ANK1: variants seen among roughly 807,000 people sequenced by gnomAD.
The protein encoded by ANK1 is ankyrin 1, also known as ankyrin-1.
In ANK1, 51 loss-of-function variants were observed where a neutral mutation model predicts 210.4. The observed-to-expected ratio is 0.24, with a 90% CI of 0.19 to 0.31. The LOEUF is 0.31. Ranked by LOEUF, ANK1 falls within the 10% of genes least tolerant of loss-of-function variation. The probability of loss-of-function intolerance (pLI) is 1.00; values close to 1 mark genes in which losing one functional copy is unlikely to be tolerated. For missense variants in ANK1, 2,051 were observed against 2,504.4 expected (o/e 0.82, Z 3.86); for synonymous variants, 967 against 1,025.9 (o/e 0.94, Z 1.10).
intron 1 of ANK1, among the ~76,000 whole-genome samples, chr8:41,868,770 G>A (rs1203084498): frequency 6.6e-6 from 1 of 152,130 alleles, no homozygotes; most frequent in African/African-American, 2.4e-5. Context: ...TTTTAAAAGA[G>A]CTTAGAAATT....
At chr8:41,851,047 C>G (rs1265628392) in intron 1 of ANK1, among the ~76,000 whole-genome samples, 3 of 152,184 alleles carry the variant, frequency 2.0e-5, no homozygotes, top group Non-Finnish European at 4.4e-5. Context: ...GAAATCTTAC[C>G]TGTGTCTTTT....
At chr8:41,696,180 G>C (rs377040546) in intron 26 of ANK1, among the ~76,000 whole-genome samples, 183 bp downstream of exon 26, 1 of 152,166 alleles carries the variant, frequency 6.6e-6, no homozygotes, top group Non-Finnish European at 1.5e-5. Context: ...GTGAGCTATC[G>C]TGCCCGACCT....
At chr8:41,781,860 G>T (rs947757040) in intron 1 of ANK1, among the ~76,000 whole-genome samples, 3 of 152,078 alleles carry the variant, frequency 2.0e-5, no homozygotes, top group Non-Finnish European at 4.4e-5. Flanking sequence ...CCCAGGGGCT[G>T]GTACTAGGAG....
At chr8:41,834,280 AC>A (rs957445044) in intron 1 of ANK1, among the ~76,000 whole-genome samples, 9 of 152,136 alleles carry the variant, frequency 5.9e-5, no homozygotes, top group African/African-American at 2.2e-4. Context: ...GATTGAGAAA[AC>A]CTGGAGGCAA....
At chr8:41,892,792 T>G (rs1251262248) in intron 1 of ANK1, among the ~76,000 whole-genome samples, 1 of 152,200 alleles carries the variant, frequency 6.6e-6, no homozygotes, top group African/African-American at 2.4e-5. Flanking sequence ...ATTATATTAA[T>G]TCACTCATTC....
At chr8:41,758,652 AT>A (rs1387306628) in intron 1 of ANK1, among the ~76,000 whole-genome samples, 1 of 150,058 alleles carries the variant, frequency 6.7e-6, no homozygotes, top group Non-Finnish European at 1.5e-5. Flanking sequence ...CCCTTTTGGT[AT>A]TTTTATAAGC....
In ANK1 at chr8:41,814,697, A is replaced by T. The variant is rs533512993; in HGVS notation, c.127-56560T>A. 7.3e-5 allele frequency among the ~76,000 whole-genome samples: 11 copies of T among 149,874 alleles called. No homozygotes were observed. The South Asian group carries it at 1.7e-3, about 23-fold the overall frequency. ...CCTGACAAGCTATTTATTTATTTTT[A>T]TTTTTTTATTTTTTATTTTTAGATT... On this transcript the variant is annotated intron_variant, in intron 1 of 42. Transcript: ENST00000265709.
chr8:41,753,362 G>A (rs111833702), intron 2 of ANK1, among the ~76,000 whole-genome samples: 3,273 of 151,996 alleles, frequency 0.022, 112 homozygotes, highest in African/African-American at 0.074. Context: ...TATCGCGCCC[G>A]GCCTGCTGCA....
In ANK1 at chr8:41,705,198, G is replaced by A. The variant is rs142991120; in HGVS notation, c.2098-726C>T. On this transcript the variant is annotated intron_variant, in intron 18 of 42. Coordinates refer to ENST00000289734, the MANE Select transcript of ANK1 (RefSeq NM_000037.4). ...AGGCCAAGGCCCTCTGAGCTCCTTG[G>A]TCCCAAGTGTCCCGGGAAGCTGGTG... 1.2e-4 allele frequency among the ~76,000 whole-genome samples: 19 copies of A among 152,308 alleles called. 1 individual carries two copies. The East Asian group carries it at 3.7e-3, about 29-fold the overall frequency.
intron 1 of ANK1, among the ~76,000 whole-genome samples, chr8:41,864,607 C>A (rs1392100377): frequency 6.6e-6 from 1 of 152,196 alleles, no homozygotes; most frequent in African/African-American, 2.4e-5. Flanking sequence ...ACAGCTGCTT[C>A]TGCCAGTTAC....
chr8:41,888,865 C>T (rs1021560698), intron 1 of ANK1, among the ~76,000 whole-genome samples: 3 of 152,182 alleles, frequency 2.0e-5, no homozygotes, highest in Non-Finnish European at 2.9e-5. Flanking sequence ...TGAGGGGCCT[C>T]GGACACCCAC....
At chr8:41,838,766 A>AT (rs1244214677) in intron 1 of ANK1, among the ~76,000 whole-genome samples, 4 of 144,648 alleles carry the variant, frequency 2.8e-5, no homozygotes, top group Admixed American at 2.1e-4. Context: ...CTCCGTCTCA[A>AT]AAATAATAAT....
chr8:41,839,815 C>A (rs1808512758), intron 1 of ANK1, among the ~76,000 whole-genome samples: 1 of 152,074 alleles, frequency 6.6e-6, no homozygotes. Flanking sequence ...CTGGATGGGA[C>A]CCTAGGACAG....
chr8:41,672,944 A>G, intron 37 of ANK1, 32 bp from the exon 38 acceptor site: 1 of 1,572,880 alleles, frequency 6.4e-7, no homozygotes, highest in Admixed American at 1.7e-5. Context: ...AACATGCTCC[A>G]GCAGTGATTC....
At chr8:41,803,165 AAAAG>A (rs930493996) in intron 1 of ANK1, among the ~76,000 whole-genome samples, 14 of 150,714 alleles carry the variant, frequency 9.3e-5, no homozygotes, top group South Asian at 2.1e-4. Flanking sequence ...AGAAAAGAGA[AAAAG>A]AGAGGGAGGG....
At chr8:41,857,064 A>G (rs1812324616) in intron 1 of ANK1, among the ~76,000 whole-genome samples, 1 of 151,602 alleles carries the variant, frequency 6.6e-6, no homozygotes, top group Non-Finnish European at 1.5e-5. Flanking sequence ...TTTTCAGTAG[A>G]GACAGGGTTT....
At chr8:41,866,756 G>T (rs1814543061) in intron 1 of ANK1, among the ~76,000 whole-genome samples, 1 of 152,162 alleles carries the variant, frequency 6.6e-6, no homozygotes, top group African/African-American at 2.4e-5. Context: ...CGTCCTCAAG[G>T]TTCACCCATG....
intron 1 of ANK1, among the ~76,000 whole-genome samples, chr8:41,880,640 A>G (rs1448885940): frequency 2.0e-5 from 3 of 152,188 alleles, no homozygotes; most frequent in African/African-American, 7.2e-5. Context: ...AACCCCGCAA[A>G]CACCTGAGCT....
intron 1 of ANK1, among the ~76,000 whole-genome samples, chr8:41,883,729 G>A (rs1460495708): frequency 6.6e-6 from 1 of 152,132 alleles, no homozygotes; most frequent in East Asian, 1.9e-4. Context: ...CAAAGAGCTG[G>A]GATTACAGGC....
Sources: gnomAD v4.1 joint callset for allele counts (sites outside exome capture counted in the v4.1 genomes callset) on GRCh38, gnomAD v4.1.1 for gene constraint, MANE v1.5 for transcripts, NCBI Gene and HGNC (gene_info 2026-07-23, HGNC 2026-07-21) for gene names.